The following SDHAF4 variants were observed in gnomAD, a reference collection of about 807,000 sequenced individuals.
SDHAF4 encodes the protein succinate dehydrogenase assembly factor 4, mitochondrial.
SDHAF4 carries 14 observed loss-of-function variants against 14.3 expected under a neutral mutation model. The ratio of observed to expected loss-of-function variants is 0.98; its 90% confidence interval spans 0.65 to 1.53. SDHAF4 has a LOEUF of 1.53. Among genes scored for constraint, SDHAF4 ranks in the 40% most tolerant of loss-of-function variants. The pLI, the probability that SDHAF4 is intolerant of heterozygous loss-of-function variation, is 0.00. For synonymous variants in SDHAF4, 63 were observed against 47.3 expected (o/e 1.33, Z -1.36); for missense variants, 141 against 129.3 (o/e 1.09, Z -0.44).
rs923459234 is a variant in SDHAF4, at chr6:70,585,211, G to C, written c.218-3404G>C. 4.6e-5 allele frequency among the ~76,000 whole-genome samples: 7 copies of C among 152,274 alleles called. No homozygotes were observed. In the East Asian group the frequency reaches 1.4e-3, roughly 29 times the overall value. ...ATTAGGTTTAGATCATGAGAGTAAG[G>C]TAACTCTTTAAGAGATGGAACTGTT... is the stretch of plus-strand genomic sequence containing the variant. On this transcript the variant is annotated intron_variant, in intron 2 of 2. Coordinates refer to ENST00000370474, the MANE Select transcript of SDHAF4 (RefSeq NM_145267.3).
chr6:70,582,141 A>C (rs1339396505), intron 2 of SDHAF4, among the ~76,000 whole-genome samples: 1 of 152,058 alleles, frequency 6.6e-6, no homozygotes, highest in African/African-American at 2.4e-5. Flanking sequence ...GCGCCATCAC[A>C]GCTCACTGCA....
At chr6:70,573,976 T>TA (rs1581926978) in intron 1 of SDHAF4, among the ~76,000 whole-genome samples, 2 of 150,632 alleles carry the variant, frequency 1.3e-5, no homozygotes, top group East Asian at 2.0e-4. Context: ...GTGCCCAGCC[T>TA]AAAAAAAACT....
At chr6:70,580,767 A>G (rs1802312098) in intron 2 of SDHAF4, among the ~76,000 whole-genome samples, 3 of 152,190 alleles carry the variant, frequency 2.0e-5, no homozygotes. Context: ...GGTACCTAGA[A>G]TAGGCAAATT....
At position 70,566,989 on chromosome 6, in the gene SDHAF4, G is replaced by C; in HGVS notation, c.49G>C (p.Ala17Pro). The C allele has an allele frequency of 6.3e-7, 1 of 1,589,862 alleles. No individual in the cohort carries two copies. Among genetic ancestry groups the C allele is most frequent in the Non-Finnish European group, 8.6e-7 (1 of 1,168,328 alleles). ...PWLLSWVSAT[A>P]WRAARSPLLC... is the part of the protein sequence containing the mutation. The stretch of plus-strand genomic sequence containing the variant: ...GTTGCTTAGCTGGGTCTCGGCCACG[G>C]CGTGGAGAGCGGCAAGTAAGCACCT... Residue 17 changes from alanine to proline, a missense_variant, in exon 1 of 3, where the codon GCG (alanine) becomes CCG (proline). Ala to Pro is a conservative substitution (Grantham distance 27, BLOSUM62 -1). Coordinates refer to ENST00000370474, the MANE Select transcript of SDHAF4 (RefSeq NM_145267.3).
At chr6:70,574,695 G>A (rs1279585099) in intron 1 of SDHAF4, among the ~76,000 whole-genome samples, 1 of 151,996 alleles carries the variant, frequency 6.6e-6, no homozygotes, top group Non-Finnish European at 1.5e-5. Flanking sequence ...CAGCACTTTG[G>A]GAGGCAAGAG....
At chr6:70,579,092 GTA>G (rs1327697306) in intron 1 of SDHAF4, among the ~76,000 whole-genome samples, 1 of 152,166 alleles carries the variant, frequency 6.6e-6, no homozygotes, top group Non-Finnish European at 1.5e-5. Flanking sequence ...TGAAAAGTTT[GTA>G]CTACTAAGTT....
rs534733268 is a variant in SDHAF4 at position 70,575,332 on chromosome 6, C to T, written c.65-4082C>T. Among the ~76,000 whole-genome samples the T allele has an allele frequency of 3.3e-5, 5 of 151,968 alleles. No homozygotes were observed. In the South Asian group the frequency reaches 6.2e-4, roughly 19 times the overall value. ...AGTGGAGGTTGCGATGAGCTGAGAT[C>T]GTGCCACTGCACTCCAGCCTGGGGG... is the stretch of plus-strand genomic sequence containing the variant. On this transcript the variant is annotated intron_variant, in intron 1 of 2. Transcript: ENST00000370474.
Position 70,588,798 on chromosome 6 carries a change from T to A in SDHAF4, c.*74T>A. 2 of 786,946 alleles carry A rather than the reference T, an allele frequency of 2.5e-6. No individual in the cohort carries two copies. The highest frequency in any genetic ancestry group is 4.2e-6 in the Non-Finnish European group (2 of 476,958). The allele number at this position is 786,946 out of a possible 1,614,324, so 48.7% of individuals were successfully genotyped here. On this transcript the variant is annotated 3_prime_UTR_variant, in exon 3 of 3. Transcript: ENST00000370474. Reference sequence around the variant, plus strand: ...AATTAACTTATTTCTGATTATTTTCTTTCTTTATATCCTTTATGTCGTGTA... The same window carrying A: ...AATTAACTTATTTCTGATTATTTTCATTCTTTATATCCTTTATGTCGTGTA...
At chr6:70,590,298 C>T (rs1213261377), downstream of SDHAF4, among the ~76,000 whole-genome samples, 2 of 152,114 alleles carry the variant, frequency 1.3e-5, no homozygotes, top group Non-Finnish European at 2.9e-5. Context: ...GGAGTGTGGG[C>T]ATACTCAAGA....
intron 2 of SDHAF4, among the ~76,000 whole-genome samples, chr6:70,582,178 C>G (rs72919760): frequency 6.6e-6 from 1 of 152,134 alleles, no homozygotes; most frequent in Non-Finnish European, 1.5e-5. Context: ...GTTCCCTACT[C>G]AGCCTCTCCT....
At chr6:70,569,676 CGG>C (rs1231494418) in intron 1 of SDHAF4, among the ~76,000 whole-genome samples, 1 of 152,078 alleles carries the variant, frequency 6.6e-6, no homozygotes, top group Non-Finnish European at 1.5e-5. Flanking sequence ...AATAGAATAA[CGG>C]GTCTGCATGT....
chr6:70,595,081 G>A, the SDHAF4 span, among the ~76,000 whole-genome samples: 1 of 152,060 alleles, frequency 6.6e-6, no homozygotes, highest in African/African-American at 2.4e-5. Flanking sequence ...GTACCCTGTG[G>A]CATTTTGATA....
In SDHAF4 at chr6:70,588,842, A is replaced by AATATATATATATAT. The variant is rs70990317; in HGVS notation, c.*119_*132dup. ...TCGTGTAGTTTGTATAATGTGTTTA[A>AATATATATATATAT]ATATATATATATATGATGGCTTTGG... On this transcript the variant is annotated 3_prime_UTR_variant, in exon 3 of 3. Coordinates refer to ENST00000370474, the MANE Select transcript of SDHAF4 (RefSeq NM_145267.3). 7.8e-3 allele frequency: 2,673 copies of AATATATATATATAT among 342,934 alleles called. 90 individuals carry two copies. Among genetic ancestry groups the AATATATATATATAT allele is most frequent in the African/African-American group, 0.056 (2,419 of 42,882 alleles). The allele number at this position is 342,934 out of a possible 1,614,324, so 21.2% of individuals were successfully genotyped here.
the SDHAF4 span, chr6:70,596,912 A>G: frequency 1.3e-5 from 2 of 152,242 alleles, no homozygotes; most frequent in African/African-American, 4.8e-5. Flanking sequence ...TAATGATAGT[A>G]TATTAGTAAT....
intron 1 of SDHAF4, chr6:70,567,386 T>G (rs970753081): frequency 4.6e-6 from 1 of 215,262 alleles, no homozygotes; most frequent in Non-Finnish European, 9.1e-6. Flanking sequence ...AGTCATTGAT[T>G]TACTTATTTA....
intron 2 of SDHAF4, among the ~76,000 whole-genome samples, chr6:70,580,134 A>G (rs1354820853): frequency 6.6e-6 from 1 of 151,282 alleles, no homozygotes; most frequent in Admixed American, 6.6e-5. Flanking sequence ...TCTACAAAAA[A>G]TAAAAATAAA....
intron 1 of SDHAF4, chr6:70,567,300 C>T: frequency 4.6e-6 from 2 of 437,136 alleles, no homozygotes; most frequent in Admixed American, 8.5e-5. Context: ...CCGGGTTGTT[C>T]CTGTGGGAGC....
downstream of SDHAF4, among the ~76,000 whole-genome samples, chr6:70,591,577 C>T (rs1041649516): frequency 1.3e-5 from 2 of 152,078 alleles, no homozygotes; most frequent in Non-Finnish European, 2.9e-5. Context: ...GATCTGCCCG[C>T]CTCAGCCTCC....
chr6:70,597,528 T>C, the SDHAF4 span, among the ~76,000 whole-genome samples: 1 of 152,062 alleles, frequency 6.6e-6, no homozygotes, highest in Non-Finnish European at 1.5e-5. Context: ...TGTTTTGATG[T>C]GTGCATGCAA....
Sources: allele counts gnomAD v4.1 joint callset (sites outside exome capture counted in the v4.1 genomes callset), GRCh38; gene constraint gnomAD v4.1.1; transcripts MANE v1.5; gene names NCBI Gene and HGNC (gene_info 2026-07-23, HGNC 2026-07-21).